SRGAP1: variants seen among roughly 807,000 people sequenced by gnomAD.
SRGAP1 encodes the protein SLIT-ROBO Rho GTPase activating protein 1.
Under a neutral mutation model 121.9 loss-of-function variants are expected in SRGAP1, and 43 were observed. The ratio of observed to expected loss-of-function variants is 0.35; its 90% CI spans 0.28 to 0.46. SRGAP1 has a LOEUF of 0.46. Among genes scored for constraint, SRGAP1 ranks in the 20% least tolerant of loss-of-function variants. SRGAP1 has a pLI of 1.00. For missense variants in SRGAP1, 1,102 were observed against 1,350.9 expected (o/e 0.82, Z 2.89); for synonymous variants, 447 against 485.4 (o/e 0.92, Z 1.04).
At chr12:63,911,166 G>T (rs1016642768) in intron 1 of SRGAP1, among the ~76,000 whole-genome samples, 3 of 151,868 alleles carry the variant, frequency 2.0e-5, no homozygotes, top group Admixed American at 2.0e-4. Flanking sequence ...AGGCGTGGTG[G>T]CAGGCACGTG....
chr12:64,158,777 G>A lies in SRGAP1; in HGVS notation c.*16105G>A, dbSNP rs10878112. ...ACAGGGTGAGACTCCATCTTAAGAA[G>A]AAAAAAAAAGCAATTACTTTTGCAC... On this transcript the variant is annotated 3_prime_UTR_variant, in exon 22 of 22. Coordinates refer to ENST00000355086, the MANE Select transcript of SRGAP1 (RefSeq NM_020762.4). 0.49 allele frequency: 73,440 copies of A among 148,434 alleles called. 18,229 individuals carry two copies. Among genetic ancestry groups the A allele is most frequent in the South Asian group, 0.61 (2,854 of 4,648 alleles). The allele number at this position is 148,434 out of a possible 1,614,324, so 9.2% of individuals were successfully genotyped here.
intron 1 of SRGAP1, among the ~76,000 whole-genome samples, chr12:63,853,846 C>T (rs1899154549): frequency 6.6e-6 from 1 of 152,208 alleles, no homozygotes; most frequent in South Asian, 2.1e-4. Context: ...CAGGAGTGGG[C>T]AAGGTAAATC....
At chr12:64,127,832 G>C in intron 20 of SRGAP1, 29 bp from the exon 21 acceptor site, 1 of 1,600,872 alleles carries the variant, frequency 6.2e-7, no homozygotes, top group Non-Finnish European at 8.5e-7. Flanking sequence ...AAGCTCTTCT[G>C]TTTTCTCCCT....
chr12:64,035,944 A>G (rs1263739902), intron 4 of SRGAP1, among the ~76,000 whole-genome samples: 1 of 152,152 alleles, frequency 6.6e-6, no homozygotes, highest in Non-Finnish European at 1.5e-5. Context: ...GTGTGCTTAC[A>G]TTCTGTCATT....
chr12:64,074,193 T>G (rs1435365570), intron 8 of SRGAP1, among the ~76,000 whole-genome samples: 2 of 152,204 alleles, frequency 1.3e-5, no homozygotes, highest in Admixed American at 6.5e-5. Flanking sequence ...ATTCCCACTC[T>G]TACTTCGTTA....
intron 1 of SRGAP1, among the ~76,000 whole-genome samples, chr12:63,892,554 C>T (rs776438103): frequency 1.3e-5 from 2 of 151,690 alleles, no homozygotes; most frequent in Admixed American, 6.6e-5. Flanking sequence ...TTTTTTCTCC[C>T]CTCCCTTTCC....
intron 1 of SRGAP1, among the ~76,000 whole-genome samples, chr12:63,964,514 G>A (rs1164165596): frequency 6.6e-6 from 1 of 151,978 alleles, no homozygotes; most frequent in East Asian, 1.9e-4. Context: ...GGCAGAGCTG[G>A]GAATCTCATC....
At chr12:63,928,014 A>AAC (rs1170596062) in intron 1 of SRGAP1, among the ~76,000 whole-genome samples, 2 of 152,128 alleles carry the variant, frequency 1.3e-5, no homozygotes, top group Non-Finnish European at 2.9e-5. Flanking sequence ...CTTGATGTCT[A>AAC]ACAGAACCAG....
intron 6 of SRGAP1, among the ~76,000 whole-genome samples, chr12:64,057,778 G>A (rs896535698): frequency 2.6e-5 from 4 of 152,182 alleles, no homozygotes; most frequent in African/African-American, 9.7e-5. Flanking sequence ...ATTCTGCAGA[G>A]TATAGAAATG....
rs57230527 is a variant in SRGAP1 at position 63,954,688 on chromosome 12, A to AAAAAAAAAAAAAAG, written c.68-29255_68-29254insAAAAAAAAAGAAAA. 2.1e-3 allele frequency among the ~76,000 whole-genome samples: 267 copies of AAAAAAAAAAAAAAG among 130,166 alleles called. 6 individuals carry two copies. The highest frequency in any genetic ancestry group is 3.4e-3 in the African/African-American group (121 of 35,278). The allele number at this position is 130,166 out of a possible 152,430, so 85.4% of individuals were successfully genotyped here. A position where few individuals can be genotyped will look rare whatever the true frequency, so the allele number is the denominator to read the frequency against. ...GCGAGACTCCATCTCAAAAAAAAAA[A>AAAAAAAAAAAAAAG]AAAAGAAAAGAAAAAGCAGTGTGAG... On this transcript the variant is annotated intron_variant, in intron 1 of 21. Transcript: ENST00000355086.
At chr12:64,036,578 A>G (rs1425605236) in intron 4 of SRGAP1, among the ~76,000 whole-genome samples, 1 of 152,144 alleles carries the variant, frequency 6.6e-6, no homozygotes, top group East Asian at 1.9e-4. Context: ...ACTGTTTTTC[A>G]TCTCCCTTCC....
intron 6 of SRGAP1, among the ~76,000 whole-genome samples, chr12:64,051,138 A>G (rs144597059): frequency 0.012 from 1,799 of 152,288 alleles, 18 homozygotes; most frequent in Non-Finnish European, 0.015. Flanking sequence ...TTTGTCCTGT[A>G]TATTCTTGCA....
At chr12:63,875,220 C>T (rs189361223) in intron 1 of SRGAP1, among the ~76,000 whole-genome samples, 66 of 152,216 alleles carry the variant, frequency 4.3e-4, no homozygotes, top group Middle Eastern at 3.4e-3. Flanking sequence ...AGACCATATC[C>T]GTCAAATACA....
intron 1 of SRGAP1, among the ~76,000 whole-genome samples, chr12:63,967,230 C>T (rs1351866148): frequency 6.6e-6 from 1 of 152,114 alleles, no homozygotes; most frequent in Non-Finnish European, 1.5e-5. Flanking sequence ...CACTTCTCCC[C>T]AGGAGTTCAA....
At chr12:63,881,110 A>T (rs1267852428) in intron 1 of SRGAP1, among the ~76,000 whole-genome samples, 2 of 152,208 alleles carry the variant, frequency 1.3e-5, no homozygotes, top group Non-Finnish European at 2.9e-5. Flanking sequence ...TGTCAGGGCC[A>T]CACCTTACTG....
intron 1 of SRGAP1, among the ~76,000 whole-genome samples, chr12:63,857,662 G>A (rs1592887534): frequency 6.6e-6 from 1 of 152,192 alleles, no homozygotes; most frequent in East Asian, 1.9e-4. Flanking sequence ...GGGATTACAG[G>A]CATGAGCCAC....
At chr12:63,847,526 G>A (rs11175183) in intron 1 of SRGAP1, among the ~76,000 whole-genome samples, 4,984 of 151,872 alleles carry the variant, frequency 0.033, 300 homozygotes, top group African/African-American at 0.11. Flanking sequence ...GACCGAGGTG[G>A]GCGGATCACT....
chr12:64,078,957 A>C lies in SRGAP1; in HGVS notation c.1164A>C (p.Gln388His), dbSNP rs2136562150. 1.2e-6 allele frequency: 2 copies of C among 1,614,042 alleles called. No individual in the cohort carries two copies. The highest frequency in any genetic ancestry group is 2.2e-5 in the South Asian group (2 of 91,080). ...KTTEATLQTI[Q>H]DMVTIEDYDV... ...CTGAAGCCACCTTGCAGACGATACA[A>C]GATATGGTCACCATCGAGGACTATG... Residue 388 changes from glutamine (Q) to histidine (H), a missense_variant, in exon 9 of 22, where the codon CAA (glutamine) becomes CAC (histidine). This residue lies in a region of SRGAP1 where 747 missense variants were observed against 929.4 expected (regional missense o/e 0.80). Coordinates refer to ENST00000355086, the MANE Select transcript of SRGAP1 (RefSeq NM_020762.4).
chr12:63,884,967 G>A (rs866046786), intron 1 of SRGAP1, among the ~76,000 whole-genome samples: 3 of 151,928 alleles, frequency 2.0e-5, no homozygotes, highest in Non-Finnish European at 4.4e-5. Context: ...TGATCCGCCC[G>A]CCTCGGCCTC....
Sources: gnomAD v4.1 joint callset for allele counts (sites outside exome capture counted in the v4.1 genomes callset) on GRCh38, gnomAD v4.1.1 for gene constraint, gnomAD v4.1.1 regional missense constraint, MANE v1.5 for transcripts, NCBI Gene and HGNC (gene_info 2026-07-23, HGNC 2026-07-21) for gene names.